POP1: variants seen among roughly 807,000 people sequenced by gnomAD.
POP1 encodes ribonucleases P/MRP protein subunit POP1.
POP1 carries 75 observed loss-of-function variants against 102.2 expected under a neutral mutation model. The observed-to-expected ratio is 0.73, with a 90% CI of 0.61 to 0.89. The LOEUF (loss-of-function observed/expected upper bound fraction) is 0.89, where lower values mean the gene tolerates loss of function less well. Ranked by LOEUF, POP1 falls within the 40% of genes least tolerant of loss-of-function variation. The pLI is 0.00. For missense variants in POP1, 1,116 were observed against 1,267.4 expected, an observed-to-expected ratio of 0.88 and a Z score of 1.81; for synonymous variants, 436 against 464.1, an observed-to-expected ratio of 0.94 and a Z score of 0.78.
chr8:98,155,814 G>A (rs966607146), intron 14 of POP1: 1 of 456,968 alleles, frequency 2.2e-6, no homozygotes, highest in Non-Finnish European at 4.0e-6. Context: ...GACCTCAGGT[G>A]ATCGCCTGCC....
At position 98,146,685 on chromosome 8, in the gene POP1, T is replaced by C. The variant is rs1243006395; in HGVS notation, c.1710+2T>C. ...ACAGAGAATAAAATCTCGGATCAGG[T>C]AACTAATAGTGTAAGGGTTATTGGT... On this transcript the variant is annotated splice_donor_variant, in intron 12 of 15. Transcript: ENST00000401707. LOFTEE classifies it high-confidence loss of function. 6.3e-7 allele frequency: 1 copy of C among 1,581,584 alleles called. No homozygotes were observed. The highest frequency in any genetic ancestry group is 8.7e-7 in the Non-Finnish European group (1 of 1,150,560).
At chr8:98,123,946 G>T (rs944002709) in intron 2 of POP1, among the ~76,000 whole-genome samples, 2 of 152,064 alleles carry the variant, frequency 1.3e-5, no homozygotes, top group African/African-American at 4.8e-5. Flanking sequence ...TTGCCTACTT[G>T]CCAAAGCTTA....
chr8:98,120,416 G>A (rs1020987138), intron 1 of POP1, among the ~76,000 whole-genome samples: 1 of 152,204 alleles, frequency 6.6e-6, no homozygotes, highest in Non-Finnish European at 1.5e-5. Flanking sequence ...CCCATGCTAA[G>A]TGAGTTGTGT....
At chr8:98,120,745 C>T (rs1389964486) in intron 1 of POP1, among the ~76,000 whole-genome samples, 1 of 151,858 alleles carries the variant, frequency 6.6e-6, no homozygotes, top group East Asian at 1.9e-4. Context: ...CTACCGGGTT[C>T]ACGCCATTCT....
At position 98,127,080 on chromosome 8, in the gene POP1, AC is replaced by A. The variant is rs566936642; in HGVS notation, c.143-513del. On this transcript the variant is annotated intron_variant, in intron 2 of 15. Transcript: ENST00000401707. ...GCCTGCCTTCTGGTTCATATACAGC[AC>A]CTTTTCACTGGTTCTCACATGGTGG... Among the ~76,000 whole-genome samples the A allele has an allele frequency of 1.3e-4, 20 of 152,050 alleles. No homozygotes were observed. The East Asian group carries it at 3.3e-3, about 25-fold the overall frequency.
chr8:98,154,786 A>G (rs968084868), intron 14 of POP1, among the ~76,000 whole-genome samples: 2 of 152,198 alleles, frequency 1.3e-5, no homozygotes, highest in African/African-American at 4.8e-5. Flanking sequence ...CAATTAGGGC[A>G]TATTCATTCA....
In POP1 at chr8:98,128,424, C is replaced by G. The variant is rs749844651; in HGVS notation, c.370C>G (p.Gln124Glu). The change falls in exon 4 of 16, where the codon CAG (glutamine) becomes GAG (glutamate). Residue 124 changes from glutamine to glutamate, a missense_variant. Coordinates refer to ENST00000401707, the MANE Select transcript of POP1 (RefSeq NM_001145860.2). ...EISAMLKAVT[Q>E]KSSNSLVFQT... is the part of the protein sequence containing the mutation. ...CAGTGCTATGTTAAAAGCTGTGACC[C>G]AGAAGTCTTCGAATTCACTGGTTTT... The G allele has an allele frequency of 6.2e-6, 10 of 1,614,006 alleles. No individual in the cohort carries two copies. Among genetic ancestry groups the G allele is most frequent in the African/African-American group, 1.3e-5 (1 of 74,910 alleles).
intron 4 of POP1, among the ~76,000 whole-genome samples, chr8:98,129,374 A>G (rs971820077): frequency 6.6e-6 from 1 of 152,208 alleles, no homozygotes; most frequent in African/African-American, 2.4e-5. Context: ...TTTAAAACCT[A>G]TTTATTGAGC....
At chr8:98,137,577 C>T (rs1024915963) in intron 9 of POP1, among the ~76,000 whole-genome samples, 6 of 152,082 alleles carry the variant, frequency 3.9e-5, no homozygotes, top group East Asian at 1.9e-4. Context: ...CATGAGTCAC[C>T]GCACCTGGCT....
chr8:98,124,216 T>C (rs1816124409), intron 2 of POP1, among the ~76,000 whole-genome samples: 4 of 152,156 alleles, frequency 2.6e-5, no homozygotes. Flanking sequence ...ATTTTCTCTT[T>C]TGTAAAATAA....
rs1380794302 is a variant in POP1, at chr8:98,133,973, G to C, written c.760G>C (p.Glu254Gln). The change falls in exon 6 of 16, where the codon GAG (glutamate) becomes CAG (glutamine). Residue 254 changes from glutamate to glutamine, a missense_variant. Glu to Gln is a conservative substitution (Grantham distance 29). Transcript: ENST00000401707. ...GGATTTATCCTATTACTGTTGTTTG[G>C]AGTTGAAAGGCAAAGAGGAAGAAAT... ...LQDLSYYCCL[E>Q]LKGKEEEILK... is the part of the protein sequence containing the mutation. 14 of 1,613,388 alleles carry C rather than the reference G, an allele frequency of 8.7e-6. No individual in the cohort carries two copies. The highest frequency in any genetic ancestry group is 8.5e-6 in the Non-Finnish European group (10 of 1,179,380).
At chr8:98,151,740 C>CTTTTTTTTTTT in intron 14 of POP1, among the ~76,000 whole-genome samples, 1 of 112,930 alleles carries the variant, frequency 8.9e-6, no homozygotes, top group Non-Finnish European at 1.7e-5. Context: ...GCCTGGCTTG[C>CTTTTTTTTTTT]TTTTTTTTTT....
intron 4 of POP1, 74 bp from the exon 5 acceptor site, chr8:98,129,904 T>C: frequency 2.6e-6 from 4 of 1,520,742 alleles, no homozygotes; most frequent in Non-Finnish European, 3.6e-6. Flanking sequence ...AAGTTATTTG[T>C]TTGCATTCCT....
Position 98,123,349 on chromosome 8 carries a change from A to C in POP1, c.12A>C (p.Ala4=), listed in dbSNP as rs768671430. 6.2e-7 allele frequency: 1 copy of C among 1,613,862 alleles called. No homozygotes were observed. The highest frequency in any genetic ancestry group is 8.5e-7 in the Non-Finnish European group (1 of 1,179,808). Residue 4 remains alanine (A), a synonymous_variant, in exon 2 of 16, where the codon GCA becomes GCC. Transcript: ENST00000401707. The stretch of plus-strand genomic sequence containing the variant: ...CTTCCTTTCCAGAAATGTCAAATGC[A>C]AAAGAAAGAAAACACGCCAAGAAAA... MSN[A]KERKHAKKMR... is the part of the protein sequence containing the mutation.
At chr8:98,135,576 C>T (rs1490463133) in intron 7 of POP1, among the ~76,000 whole-genome samples, 1 of 152,106 alleles carries the variant, frequency 6.6e-6, no homozygotes, top group African/African-American at 2.4e-5. Context: ...ACTAACCCTA[C>T]CCCTAGCCCC....
chr8:98,132,277 T>G (rs771759239), intron 5 of POP1, among the ~76,000 whole-genome samples: 19 of 152,166 alleles, frequency 1.2e-4, no homozygotes, highest in Non-Finnish European at 2.8e-4. Context: ...ACAGAGAGGT[T>G]AGGTAGTTTA....
intron 4 of POP1, among the ~76,000 whole-genome samples, chr8:98,128,766 G>T (rs544665802): frequency 6.6e-6 from 1 of 152,090 alleles, no homozygotes; most frequent in South Asian, 2.1e-4. Flanking sequence ...AAAAAAATCC[G>T]CAAATTAGCT....
chr8:98,127,802 A>G lies in POP1; in HGVS notation c.310+40A>G. 1.9e-6 allele frequency: 3 copies of G among 1,601,228 alleles called. No individual in the cohort carries two copies. In the South Asian group the frequency reaches 3.3e-5, roughly 18 times the overall value. On this transcript the variant is annotated intron_variant, in intron 3 of 15. Coordinates refer to ENST00000401707, the MANE Select transcript of POP1 (RefSeq NM_001145860.2). The stretch of plus-strand genomic sequence containing the variant: ...AGAGGTGCAGTTTGCTTGTATTTTG[A>G]ACTCTCGTGTCTAGTGCAGCAACAA...
intron 5 of POP1, among the ~76,000 whole-genome samples, chr8:98,131,835 C>A (rs1267484879): frequency 1.3e-5 from 2 of 152,074 alleles, no homozygotes; most frequent in Non-Finnish European, 2.9e-5. Flanking sequence ...AATAAGAGGA[C>A]CTTTTAGGAG....
Sources: gnomAD v4.1 joint callset for allele counts (sites outside exome capture counted in the v4.1 genomes callset) on GRCh38, gnomAD v4.1.1 for gene constraint, MANE v1.5 for transcripts, NCBI Gene and HGNC (gene_info 2026-07-23, HGNC 2026-07-21) for gene names.